The following SHTN1 variants were observed in gnomAD, a reference collection of about 807,000 sequenced individuals.
SHTN1 encodes shootin 1.
Under a neutral mutation model 83.1 loss-of-function variants are expected in SHTN1, and 42 were observed. That is an observed-to-expected ratio of 0.51 (90% CI 0.39 to 0.65). The LOEUF (loss-of-function observed/expected upper bound fraction) is 0.65. SHTN1 is among the 30% of genes least tolerant of loss of function. The pLI is 0.00. For missense variants in SHTN1, 622 were observed against 737.8 expected (o/e 0.84, Z 1.82); for synonymous variants, 224 against 247.7 (o/e 0.90, Z 0.90).
At chr10:116,921,067 G>A (rs1328203239) in intron 12 of SHTN1, among the ~76,000 whole-genome samples, 1 of 152,182 alleles carries the variant, frequency 6.6e-6, no homozygotes, top group Non-Finnish European at 1.5e-5. Flanking sequence ...GCACACAACA[G>A]TGGAGTAGTA....
chr10:117,032,856 G>A (rs1425473327), intron 2 of SHTN1, among the ~76,000 whole-genome samples: 3 of 151,922 alleles, frequency 2.0e-5, no homozygotes, highest in Non-Finnish European at 2.9e-5. Context: ...GACCACAATG[G>A]AATAAAACTA....
chr10:116,940,764 G>A (rs1315964141), intron 8 of SHTN1, 152 bp from the exon 9 acceptor site: 1 of 538,784 alleles, frequency 1.9e-6, no homozygotes, highest in Non-Finnish European at 3.1e-6. Flanking sequence ...TGATTGCTAT[G>A]ATTTCATTCC....
intron 9 of SHTN1, among the ~76,000 whole-genome samples, chr10:116,937,074 CT>C (rs1471565274): frequency 6.6e-6 from 1 of 151,926 alleles, no homozygotes; most frequent in African/African-American, 2.4e-5. Context: ...TGAGATGGGT[CT>C]CCTGAATACA....
At chr10:116,940,042 CTAA>C (rs1204438947) in intron 9 of SHTN1, among the ~76,000 whole-genome samples, 1 of 152,204 alleles carries the variant, frequency 6.6e-6, no homozygotes, top group Non-Finnish European at 1.5e-5. Context: ...ACAATTACTA[CTAA>C]TACGGACTGT....
At chr10:116,965,998 A>T (rs1033226829) in intron 3 of SHTN1, among the ~76,000 whole-genome samples, 19 of 151,516 alleles carry the variant, frequency 1.3e-4, no homozygotes, top group African/African-American at 4.1e-4. Context: ...CTTAGTCCTT[A>T]TTTTTTTTGT....
chr10:116,944,898 A>T, intron 8 of SHTN1, 26 bp downstream of exon 8: 1 of 1,488,734 alleles, frequency 6.7e-7, no homozygotes, highest in South Asian at 1.1e-5. Flanking sequence ...TCAAGAAAAA[A>T]AATAAGATTT....
chr10:117,059,393 C>T (rs997957378), intron 1 of SHTN1, among the ~76,000 whole-genome samples: 4 of 152,162 alleles, frequency 2.6e-5, no homozygotes, highest in African/African-American at 4.8e-5. Flanking sequence ...CTTATGAATA[C>T]TTAATGTTTA....
rs554361201 is a variant in SHTN1 at position 117,059,540 on chromosome 10, A to G, written c.-188-11030T>C. Among the ~76,000 whole-genome samples, 112 of 152,352 alleles carry G rather than the reference A, an allele frequency of 7.4e-4. 2 individuals carry two copies. The South Asian group carries it at 0.022, about 30-fold the overall frequency. Reference sequence around the variant, plus strand: ...ACATACCATGGAATAATGCTCAGCAATGAAAAGGAACAAACTCTTGATACA... The same window carrying G: ...ACATACCATGGAATAATGCTCAGCAGTGAAAAGGAACAAACTCTTGATACA... On this transcript the variant is annotated intron_variant, in intron 1 of 17. Coordinates refer to the SHTN1 transcript ENST00000392901.
intron 1 of SHTN1, among the ~76,000 whole-genome samples, chr10:117,077,634 C>G (rs887051278): frequency 6.6e-6 from 1 of 152,100 alleles, no homozygotes; most frequent in Non-Finnish European, 1.5e-5. Context: ...CCCGCTCCCC[C>G]CACCCCACAA....
rs547371282 is a variant in SHTN1 at position 116,992,577 on chromosome 10, GT to G, written c.58+12444del. ...TAGGCAAATAAGCCCCCCAAACTCT[GT>G]TTTTTTGTGAAAATTTACATTACTT... On this transcript the variant is annotated intron_variant, in intron 1 of 16. Transcript: ENST00000355371. Among the ~76,000 whole-genome samples the G allele has an allele frequency of 7.4e-4, 112 of 152,110 alleles. 2 individuals are homozygous for G. The South Asian group carries it at 0.022, about 30-fold the overall frequency.
intron 2 of SHTN1, among the ~76,000 whole-genome samples, chr10:117,047,216 C>T: frequency 6.6e-6 from 1 of 152,072 alleles, no homozygotes; most frequent in East Asian, 1.9e-4. Context: ...AGGTGCCCAG[C>T]ACCATGCCTG....
intron 9 of SHTN1, among the ~76,000 whole-genome samples, chr10:116,931,097 T>G (rs1848944049): frequency 7.4e-6 from 1 of 135,510 alleles, no homozygotes; most frequent in African/African-American, 2.8e-5. Context: ...AAAAGACTCC[T>G]GGGGGACACA....
At chr10:116,938,469 T>A (rs1849250995) in intron 9 of SHTN1, among the ~76,000 whole-genome samples, 1 of 152,220 alleles carries the variant, frequency 6.6e-6, no homozygotes, top group South Asian at 2.1e-4. Flanking sequence ...CTGCTGACCC[T>A]GTTTGCCTGG....
chr10:116,902,369 T>C (rs889986355), intron 15 of SHTN1, among the ~76,000 whole-genome samples: 15 of 152,198 alleles, frequency 9.9e-5, no homozygotes, highest in Admixed American at 8.5e-4. Flanking sequence ...AATGGAACCA[T>C]GTCAAAAGGC....
chr10:116,889,147 T>TA (rs1847255998), intron 16 of SHTN1, among the ~76,000 whole-genome samples: 1 of 152,222 alleles, frequency 6.6e-6, no homozygotes, highest in Admixed American at 6.5e-5. Flanking sequence ...TGTGTGTCTG[T>TA]AGGTGAAGGG....
At chr10:117,002,899 C>T (rs551181259) in intron 1 of SHTN1, among the ~76,000 whole-genome samples, 11 of 152,274 alleles carry the variant, frequency 7.2e-5, no homozygotes, top group Non-Finnish European at 1.0e-4. Context: ...AATATATCCT[C>T]TAAAAATACC....
At chr10:116,901,627 C>T in intron 16 of SHTN1, 138 bp downstream of exon 16, 1 of 1,356,612 alleles carries the variant, frequency 7.4e-7, no homozygotes, top group Non-Finnish European at 9.4e-7. Flanking sequence ...AAAAAGCTGG[C>T]CCATCAAATG....
At chr10:116,902,105 G>C in intron 15 of SHTN1, 148 bp from the exon 16 acceptor site, 1 of 691,558 alleles carries the variant, frequency 1.4e-6, no homozygotes, top group South Asian at 2.1e-5. Context: ...AATGTTGTTG[G>C]AAATCTGCTC....
intron 12 of SHTN1, among the ~76,000 whole-genome samples, 196 bp from the exon 13 acceptor site, chr10:116,915,680 C>G (rs1314246664): frequency 6.6e-6 from 1 of 152,162 alleles, no homozygotes; most frequent in Admixed American, 6.5e-5. Flanking sequence ...GAGAAAAAAT[C>G]TGATCAGAAA....
Sources: allele counts gnomAD v4.1 joint callset (sites outside exome capture counted in the v4.1 genomes callset), GRCh38; gene constraint gnomAD v4.1.1; transcripts MANE v1.5; gene names NCBI Gene and HGNC (gene_info 2026-07-23, HGNC 2026-07-21).